C8orf89: variants seen among roughly 807,000 people sequenced by gnomAD.
C8orf89 encodes putative uncharacterized protein C8orf89.
A neutral mutation model predicts 15.8 loss-of-function variants in C8orf89; 14 were observed. The observed-to-expected ratio is 0.89, with a 90% CI of 0.59 to 1.39. The LOEUF (loss-of-function observed/expected upper bound fraction) is 1.39, where lower values mean the gene tolerates loss of function less well. C8orf89 is among the 40% of genes most tolerant of loss of function. The probability of loss-of-function intolerance (pLI) is 0.00; values close to 1 mark genes in which losing one functional copy is unlikely to be tolerated. For synonymous variants in C8orf89, 55 were observed against 62.2 expected, an observed-to-expected ratio of 0.88 and a Z score of 0.54; for missense variants, 181 against 184.5, an observed-to-expected ratio of 0.98 and a Z score of 0.11.
the C8orf89 span, among the ~76,000 whole-genome samples, chr8:73,270,598 G>T: frequency 1.3e-5 from 2 of 152,158 alleles, no homozygotes; most frequent in African/African-American, 4.8e-5. Flanking sequence ...ATATTAAAAT[G>T]AAGCTCTAAC....
chr8:73,254,701 G>T (rs147775171), intron 2 of C8orf89, among the ~76,000 whole-genome samples: 1 of 152,024 alleles, frequency 6.6e-6, no homozygotes, highest in Non-Finnish European at 1.5e-5. Flanking sequence ...CACAGACCTC[G>T]CAGCAGACAT....
intron 1 of C8orf89, among the ~76,000 whole-genome samples, 164 bp downstream of exon 1, chr8:73,259,168 C>T (rs1813472935): frequency 6.6e-6 from 1 of 151,966 alleles, no homozygotes; most frequent in African/African-American, 2.4e-5. Context: ...ATTACATTAA[C>T]TAAATTAATT....
chr8:73,260,934 G>A (rs533775837), upstream of C8orf89, among the ~76,000 whole-genome samples: 16 of 152,280 alleles, frequency 1.1e-4, 1 homozygote, highest in South Asian at 2.9e-3. Context: ...GCAGGCAAAC[G>A]TGGAAGGACT....
chr8:73,280,896 C>T, the C8orf89 span, among the ~76,000 whole-genome samples: 1 of 151,892 alleles, frequency 6.6e-6, no homozygotes, highest in Non-Finnish European at 1.5e-5. Context: ...TTCATTCTCT[C>T]TAGTACTCAA....
At chr8:73,250,614 T>C (rs1482022720) in intron 2 of C8orf89, among the ~76,000 whole-genome samples, 1 of 152,152 alleles carries the variant, frequency 6.6e-6, no homozygotes, top group Non-Finnish European at 1.5e-5. Context: ...AACAGGCCAT[T>C]TGGATACGTT....
chr8:73,256,799 G>A (rs1212788722), intron 2 of C8orf89, among the ~76,000 whole-genome samples, 174 bp downstream of exon 2: 11 of 140,796 alleles, frequency 7.8e-5, no homozygotes, highest in Non-Finnish European at 1.5e-4. Flanking sequence ...GAAAAGTGCC[G>A]AGTTGTCAAA....
chr8:73,243,582 T>G (rs1813056543), intron 3 of C8orf89, among the ~76,000 whole-genome samples: 1 of 152,158 alleles, frequency 6.6e-6, no homozygotes, highest in Non-Finnish European at 1.5e-5. Flanking sequence ...CAGGCTGGAG[T>G]GCAGTGGTGC....
the C8orf89 span, among the ~76,000 whole-genome samples, chr8:73,274,625 AG>A: frequency 1.3e-5 from 2 of 152,206 alleles, no homozygotes; most frequent in Non-Finnish European, 2.9e-5. Context: ...TTTAAGGGAA[AG>A]ACAGCAAATA....
chr8:73,268,426 C>T, the C8orf89 span, among the ~76,000 whole-genome samples: 1 of 151,894 alleles, frequency 6.6e-6, no homozygotes, highest in East Asian at 1.9e-4. Context: ...TTGCAGTGAG[C>T]CGAGATCGCG....
chr8:73,277,488 T>C, the C8orf89 span: 1 of 874,200 alleles, frequency 1.1e-6, no homozygotes. Flanking sequence ...GGTTTCCTGA[T>C]GCCACCACGA....
At chr8:73,262,986 ACAG>A (rs1813557148), upstream of C8orf89, among the ~76,000 whole-genome samples, 2 of 152,182 alleles carry the variant, frequency 1.3e-5, no homozygotes, top group Non-Finnish European at 2.9e-5. Context: ...AGGATACTTT[ACAG>A]AACTAATAAA....
At chr8:73,244,141 TGTAAA>T (rs1813070078) in intron 3 of C8orf89, among the ~76,000 whole-genome samples, 1 of 152,142 alleles carries the variant, frequency 6.6e-6, no homozygotes, top group Non-Finnish European at 1.5e-5. Context: ...GAAGTAAAAT[TGTAAA>T]GTAAAATAAA....
intron 2 of C8orf89, among the ~76,000 whole-genome samples, chr8:73,255,047 C>T (rs888038946): frequency 2.6e-4 from 39 of 152,082 alleles, no homozygotes; most frequent in Non-Finnish European, 5.1e-4. Context: ...CCATTCAGGA[C>T]ATAGGCATGG....
chr8:73,242,530 C>T (rs754447166), intron 3 of C8orf89, among the ~76,000 whole-genome samples: 5 of 152,030 alleles, frequency 3.3e-5, no homozygotes, highest in South Asian at 2.1e-4. Flanking sequence ...AAAGAAGACA[C>T]GCAAACAGCA....
chr8:73,258,628 A>ATT (rs10691611), intron 1 of C8orf89, among the ~76,000 whole-genome samples: 16,307 of 137,252 alleles, frequency 0.12, 2,458 homozygotes, highest in African/African-American at 0.35. Context: ...TTTGGTTAGA[A>ATT]TTTTTTTTTT....
chr8:73,273,162 C>A, the C8orf89 span, among the ~76,000 whole-genome samples: 5 of 152,158 alleles, frequency 3.3e-5, no homozygotes, highest in South Asian at 1.0e-3. Context: ...CTCCATGGAG[C>A]CAGTGGGAGC....
chr8:73,282,445 G>A, the C8orf89 span, among the ~76,000 whole-genome samples: 282 of 152,324 alleles, frequency 1.9e-3, no homozygotes, highest in African/African-American at 6.4e-3. Context: ...AATGTAGGTA[G>A]AGGCATTCCA....
the C8orf89 span, among the ~76,000 whole-genome samples, chr8:73,274,680 C>G: frequency 1.3e-5 from 2 of 152,198 alleles, no homozygotes; most frequent in Non-Finnish European, 2.9e-5. Context: ...AGCAACCACT[C>G]TCATAAATTT....
At chr8:73,257,236 T>C in intron 1 of C8orf89, 110 bp from the exon 2 acceptor site, 3 of 649,906 alleles carry the variant, frequency 4.6e-6, no homozygotes, top group Non-Finnish European at 7.3e-6. Context: ...TAAAGAAAAT[T>C]AAGCAACTGT....
Sources: allele counts gnomAD v4.1 joint callset (sites outside exome capture counted in the v4.1 genomes callset), GRCh38; gene constraint gnomAD v4.1.1; transcripts MANE v1.5; gene names NCBI Gene and HGNC (gene_info 2026-07-23, HGNC 2026-07-21).